The following RABL6 variants were observed in gnomAD, a reference collection of about 807,000 sequenced individuals.
The protein encoded by RABL6 is RAB, member RAS oncogene family like 6.
Under a neutral mutation model 72.9 loss-of-function variants are expected in RABL6, and 28 were observed. The ratio of observed to expected loss-of-function variants is 0.38; its 90% CI spans 0.28 to 0.53. The LOEUF is 0.53. RABL6 is among the 20% of genes least tolerant of loss of function. The probability of loss-of-function intolerance (pLI) is 0.80; values close to 1 mark genes in which losing one functional copy is unlikely to be tolerated. For missense variants in RABL6, 1,029 were observed against 1,008.4 expected, an observed-to-expected ratio of 1.02 and a Z score of -0.28; for synonymous variants, 477 against 421.2, an observed-to-expected ratio of 1.13 and a Z score of -1.62.
chr9:136,828,464 C>G (rs763659795), intron 3 of RABL6, 30 bp from the exon 4 acceptor site: 2 of 1,611,576 alleles, frequency 1.2e-6, no homozygotes, highest in Admixed American at 3.3e-5. Flanking sequence ...AGGGGTTCCA[C>G]CTCGTAATTT....
chr9:136,817,046 A>C (rs1472567884), intron 1 of RABL6, among the ~76,000 whole-genome samples: 1 of 152,248 alleles, frequency 6.6e-6, no homozygotes, highest in Non-Finnish European at 1.5e-5. Context: ...TTATAAATAC[A>C]AAAAACCATG....
intron 1 of RABL6, among the ~76,000 whole-genome samples, chr9:136,819,316 C>T (rs1230814869): frequency 7.7e-5 from 11 of 143,506 alleles, no homozygotes; most frequent in Admixed American, 2.8e-4. Context: ...AACGAGACTC[C>T]GTCTCAAGAA....
At chr9:136,831,600 G>T (rs1848475010) in intron 5 of RABL6, 121 bp from the exon 6 acceptor site, 5 of 1,408,514 alleles carry the variant, frequency 3.5e-6, no homozygotes, top group Non-Finnish European at 4.9e-6. Context: ...GCTTCTGCTG[G>T]GTTGGATGTT....
At chr9:136,840,081 A>G in intron 13 of RABL6, 73 bp from the exon 14 acceptor site, 1 of 1,596,670 alleles carries the variant, frequency 6.3e-7, no homozygotes, top group South Asian at 1.1e-5. Flanking sequence ...GTGAGTTTCT[A>G]GAGAAGTCCT....
At chr9:136,814,271 T>G (rs1403025941) in intron 1 of RABL6, 1 of 174,744 alleles carries the variant, frequency 5.7e-6, no homozygotes, top group Non-Finnish European at 1.2e-5. Flanking sequence ...AGCTTCCACC[T>G]CCCGGGTTCA....
intron 2 of RABL6, among the ~76,000 whole-genome samples, chr9:136,824,304 G>A (rs528184804): frequency 1.5e-4 from 22 of 142,676 alleles, no homozygotes; most frequent in South Asian, 7.0e-4. Flanking sequence ...TTGTTTGTTC[G>A]TTTGTTTTTT....
At chr9:136,818,375 A>AAAAC (rs1370505116) in intron 1 of RABL6, among the ~76,000 whole-genome samples, 39 of 21,162 alleles carry the variant, frequency 1.8e-3, no homozygotes, top group Admixed American at 3.8e-3. Flanking sequence ...AAAAAAAAAA[A>AAAAC]AAAAAAAAAA....
At chr9:136,821,919 TCC>T (rs1848245803) in intron 1 of RABL6, 20 of 1,285,550 alleles carry the variant, frequency 1.6e-5, no homozygotes, top group Non-Finnish European at 1.8e-5. Context: ...GGCGCCTGGG[TCC>T]CCTCTGGAGG....
At chr9:136,837,107 C>T (rs1484167766) in intron 8 of RABL6, 1 of 658,208 alleles carries the variant, frequency 1.5e-6, no homozygotes, top group South Asian at 1.6e-5. Flanking sequence ...CACCTCCTGA[C>T]CTCGTGATCT....
At chr9:136,812,990 C>T (rs926560612) in intron 1 of RABL6, 16 of 357,040 alleles carry the variant, frequency 4.5e-5, no homozygotes, top group East Asian at 7.6e-5. Context: ...CCATCTTCCG[C>T]GGCCTCCTTG....
rs750200048 is a variant in RABL6, at chr9:136,840,912, C to T, written c.*390C>T. 2.7e-5 allele frequency: 40 copies of T among 1,491,742 alleles called. No individual in the cohort carries two copies. Among genetic ancestry groups the T allele is most frequent in the South Asian group, 9.1e-5 (7 of 76,620 alleles). 92.4% of individuals were successfully genotyped at this position (1,491,742 alleles called of 1,614,324 possible). A position where few individuals can be genotyped will look rare whatever the true frequency, so the allele number is the denominator to read the frequency against. ...GCTGCCCCGGCACCTGCTTGCCCTC[C>T]GCGCTCATCTGGGGCCGCAGCATGC... On this transcript the variant is annotated 3_prime_UTR_variant, in exon 15 of 15. Coordinates refer to ENST00000311502, the MANE Select transcript of RABL6 (RefSeq NM_024718.5).
intron 12 of RABL6, 101 bp downstream of exon 12, chr9:136,839,587 G>C: frequency 6.5e-7 from 1 of 1,550,194 alleles, no homozygotes. Flanking sequence ...TCTGGAAGAG[G>C]CATCTCATGT....
intron 1 of RABL6, chr9:136,812,727 A>T: frequency 3.3e-6 from 1 of 304,124 alleles, no homozygotes; most frequent in Non-Finnish European, 6.5e-6. Context: ...TAACGGAATA[A>T]AAACCCCAGC....
At chr9:136,830,684 C>T (rs1211181628) in intron 5 of RABL6, among the ~76,000 whole-genome samples, 3 of 152,262 alleles carry the variant, frequency 2.0e-5, no homozygotes. Context: ...ACTGCTGCCA[C>T]AGGAACGGCC....
At chr9:136,832,116 T>C in intron 6 of RABL6, 149 bp from the exon 7 acceptor site, 1 of 899,672 alleles carries the variant, frequency 1.1e-6, no homozygotes, top group South Asian at 1.7e-5. Context: ...TCGGCTTAGC[T>C]GCTTAGCAGG....
intron 5 of RABL6, among the ~76,000 whole-genome samples, 181 bp from the exon 6 acceptor site, chr9:136,831,540 G>A (rs1215064169): frequency 6.6e-6 from 1 of 152,138 alleles, no homozygotes; most frequent in African/African-American, 2.4e-5. Context: ...AGGCTGAGGG[G>A]TGCGAAGGCC....
intron 1 of RABL6, chr9:136,809,431 TA>T: frequency 3.2e-6 from 1 of 316,522 alleles, no homozygotes; most frequent in South Asian, 2.7e-5. Context: ...CCTTTAGCAG[TA>T]AGCAAGATAA....
In RABL6 at chr9:136,837,848, A is replaced by G. The variant is rs534134699; in HGVS notation, c.1127-14A>G. 1.1e-4 allele frequency: 172 copies of G among 1,547,944 alleles called. No homozygotes were observed. In the South Asian group the frequency reaches 2.0e-3, roughly 18 times the overall value. The stretch of plus-strand genomic sequence containing the variant: ...TGGTGCCGAGTGAAGAGGACCCGGC[A>G]TCACTGTTCACAGAGCCAGTCCCGG... On this transcript the variant is annotated splice_polypyrimidine_tract_variant and intron_variant, in intron 9 of 14. Coordinates refer to ENST00000311502, the MANE Select transcript of RABL6 (RefSeq NM_024718.5).
chr9:136,813,395 T>A, intron 1 of RABL6: 1 of 934,026 alleles, frequency 1.1e-6, no homozygotes, highest in Non-Finnish European at 1.6e-6. Context: ...AGAGGTTGCT[T>A]AAACCAGAGT....
Sources: gnomAD v4.1 joint callset for allele counts (sites outside exome capture counted in the v4.1 genomes callset) on GRCh38, gnomAD v4.1.1 for gene constraint, MANE v1.5 for transcripts, NCBI Gene and HGNC (gene_info 2026-07-23, HGNC 2026-07-21) for gene names.